Variants in TMTC2 observed in about 807,000 individuals in gnomAD.
TMTC2 encodes the protein protein O-mannosyl-transferase TMTC2.
Under a neutral mutation model 82.4 loss-of-function variants are expected in TMTC2, and 43 were observed. The observed-to-expected ratio is 0.52, with a 90% confidence interval of 0.41 to 0.67. The LOEUF is 0.67. TMTC2 is among the 30% of genes least tolerant of loss of function. The pLI is 0.00. For missense variants in TMTC2, 919 were observed against 1,012.4 expected (o/e 0.91, Z 1.25); for synonymous variants, 408 against 381.9 (o/e 1.07, Z -0.80).
At chr12:82,937,672 A>G (rs1044290537) in intron 4 of TMTC2, among the ~76,000 whole-genome samples, 74 of 150,316 alleles carry the variant, frequency 4.9e-4, no homozygotes, top group African/African-American at 1.8e-3. Flanking sequence ...GACTCCTTTA[A>G]AAAGCTAACA....
chr12:82,972,389 T>G (rs1467005930), intron 7 of TMTC2, among the ~76,000 whole-genome samples: 2 of 152,280 alleles, frequency 1.3e-5, no homozygotes, highest in Non-Finnish European at 2.9e-5. Context: ...TACACAGATT[T>G]GAAATTGAAA....
At chr12:82,765,375 A>G (rs562676598) in intron 1 of TMTC2, among the ~76,000 whole-genome samples, 1 of 152,282 alleles carries the variant, frequency 6.6e-6, no homozygotes, top group Non-Finnish European at 1.5e-5. Context: ...ATGACTCCCT[A>G]AAAACAGGTG....
intron 1 of TMTC2, among the ~76,000 whole-genome samples, chr12:82,787,933 A>AT (rs1292582072): frequency 6.6e-6 from 1 of 151,974 alleles, no homozygotes; most frequent in Non-Finnish European, 1.5e-5. Context: ...AATAATAATA[A>AT]TTTTAAAAAA....
intron 1 of TMTC2, among the ~76,000 whole-genome samples, chr12:82,806,954 A>G (rs1050117027): frequency 2.0e-5 from 3 of 152,128 alleles, no homozygotes; most frequent in Non-Finnish European, 2.9e-5. Flanking sequence ...TTTGTCCATG[A>G]AAATCTACCC....
At chr12:82,749,900 C>T (rs1478716819) in intron 1 of TMTC2, among the ~76,000 whole-genome samples, 1 of 151,886 alleles carries the variant, frequency 6.6e-6, no homozygotes, top group East Asian at 1.9e-4. Flanking sequence ...ACCACGCCCG[C>T]ATAATTTTTA....
At chr12:82,945,348 T>C (rs1876939360) in intron 4 of TMTC2, among the ~76,000 whole-genome samples, 1 of 152,204 alleles carries the variant, frequency 6.6e-6, no homozygotes, top group Non-Finnish European at 1.5e-5. Context: ...TGAAAGACAT[T>C]TTTCTGCAAT....
chr12:82,858,672 A>T (rs921167085), intron 2 of TMTC2, among the ~76,000 whole-genome samples: 5 of 151,830 alleles, frequency 3.3e-5, no homozygotes, highest in African/African-American at 9.7e-5. Context: ...CTTAAGAGTC[A>T]GAGTGATCTC....
chr12:82,762,418 G>A (rs1048671419), intron 1 of TMTC2, among the ~76,000 whole-genome samples: 6 of 152,202 alleles, frequency 3.9e-5, no homozygotes, highest in South Asian at 2.1e-4. Context: ...GCATCCTGTC[G>A]TTTACCGTAT....
intron 1 of TMTC2, among the ~76,000 whole-genome samples, chr12:82,695,473 A>C (rs1450220006): frequency 6.6e-6 from 1 of 152,386 alleles, no homozygotes. Context: ...TTGTAAACCC[A>C]AAATTACAAA....
At chr12:82,920,069 T>C (rs12302682) in intron 3 of TMTC2, among the ~76,000 whole-genome samples, 1,743 of 152,328 alleles carry the variant, frequency 0.011, 24 homozygotes, top group African/African-American at 0.04. Flanking sequence ...GTATCAATTT[T>C]CTATATTAGT....
At chr12:82,809,490 G>T (rs1280644984) in intron 1 of TMTC2, among the ~76,000 whole-genome samples, 2 of 152,104 alleles carry the variant, frequency 1.3e-5, no homozygotes, top group Non-Finnish European at 2.9e-5. Flanking sequence ...GCAGATTTCT[G>T]CAGGGGAGAT....
chr12:83,028,337 T>A (rs1284009188), intron 8 of TMTC2, among the ~76,000 whole-genome samples: 1 of 152,190 alleles, frequency 6.6e-6, no homozygotes, highest in Non-Finnish European at 1.5e-5. Flanking sequence ...AAATTAAGAC[T>A]ATTTTAAAGT....
chr12:82,749,919 G>A (rs1043892937), intron 1 of TMTC2, among the ~76,000 whole-genome samples: 7 of 151,764 alleles, frequency 4.6e-5, no homozygotes, highest in African/African-American at 9.7e-5. Context: ...TACATTTTTC[G>A]TGGAGGTGGG....
intron 1 of TMTC2, among the ~76,000 whole-genome samples, chr12:82,782,270 C>G (rs1877945522): frequency 6.6e-6 from 1 of 151,862 alleles, no homozygotes; most frequent in Admixed American, 6.6e-5. Context: ...TTAAATGGTC[C>G]CAGGTTAAGA....
At chr12:82,772,322 G>A (rs998665634) in intron 1 of TMTC2, among the ~76,000 whole-genome samples, 6 of 152,202 alleles carry the variant, frequency 3.9e-5, no homozygotes, top group Middle Eastern at 3.2e-3. Flanking sequence ...TTAAGCTGCA[G>A]GATCTGGGAC....
At chr12:82,918,310 A>G (rs1242855140) in intron 3 of TMTC2, among the ~76,000 whole-genome samples, 1 of 152,254 alleles carries the variant, frequency 6.6e-6, no homozygotes, top group Admixed American at 6.5e-5. Context: ...ACGGTTTGTG[A>G]TAGATGACTG....
intron 1 of TMTC2, among the ~76,000 whole-genome samples, chr12:82,828,170 G>A (rs1360925835): frequency 2.0e-5 from 3 of 150,944 alleles, no homozygotes; most frequent in East Asian, 1.9e-4. Context: ...TGGGATTACA[G>A]GAGTGAGCTA....
At chr12:82,977,775 A>G (rs1878744073) in intron 7 of TMTC2, among the ~76,000 whole-genome samples, 1 of 151,846 alleles carries the variant, frequency 6.6e-6, no homozygotes, top group Non-Finnish European at 1.5e-5. Flanking sequence ...TGTTTTAAAA[A>G]GATAATTAAA....
chr12:82,818,270 A>G (rs2137059010), intron 1 of TMTC2, among the ~76,000 whole-genome samples: 1 of 152,242 alleles, frequency 6.6e-6, no homozygotes, highest in South Asian at 2.1e-4. Flanking sequence ...AATTCATATT[A>G]TAAGAGTAAT....
Sources: gnomAD v4.1 joint callset for allele counts (sites outside exome capture counted in the v4.1 genomes callset) on GRCh38, gnomAD v4.1.1 for gene constraint, MANE v1.5 for transcripts, NCBI Gene and HGNC (gene_info 2026-07-23, HGNC 2026-07-21) for gene names.